LARP4: variants seen among roughly 807,000 people sequenced by gnomAD.
LARP4 encodes the protein La ribonucleoprotein 4, also known as la-related protein 4.
A neutral mutation model predicts 92.9 loss-of-function variants in LARP4; 29 were observed. That is an observed-to-expected ratio of 0.31 (90% CI 0.23 to 0.43). The LOEUF is 0.43. Ranked by LOEUF, LARP4 falls within the 20% of genes least tolerant of loss-of-function variation. LARP4 has a pLI of 1.00. For synonymous variants in LARP4, 279 were observed against 284.1 expected, an observed-to-expected ratio of 0.98 and a Z score of 0.18; for missense variants, 732 against 860.0, an observed-to-expected ratio of 0.85 and a Z score of 1.86.
At chr12:50,435,300 AT>A (rs1171380532) in intron 4 of LARP4, among the ~76,000 whole-genome samples, 187 bp from the exon 5 acceptor site, 17 of 152,248 alleles carry the variant, frequency 1.1e-4, no homozygotes, top group Admixed American at 3.3e-4. Flanking sequence ...GTTTATGTAT[AT>A]ATTACATTAG....
chr12:50,476,079 T>A lies in LARP4; in HGVS notation c.*215T>A. 2 of 249,254 alleles carry A rather than the reference T, an allele frequency of 8.0e-6. No homozygotes were observed. Among genetic ancestry groups the A allele is most frequent in the Non-Finnish European group, 1.6e-5 (2 of 127,666 alleles). The allele number at this position is 249,254 out of a possible 1,614,324, so 15.4% of individuals were successfully genotyped here. ...TGGAGGATTCCAATCAATATAAATA[T>A]ATATATATATATACACACACATATA... On this transcript the variant is annotated 3_prime_UTR_variant, in exon 16 of 16. Transcript: ENST00000398473.
intron 7 of LARP4, among the ~76,000 whole-genome samples, 179 bp downstream of exon 7, chr12:50,440,728 G>A (rs1308950723): frequency 6.6e-6 from 1 of 152,040 alleles, no homozygotes; most frequent in Non-Finnish European, 1.5e-5. Flanking sequence ...AAGTTTTTCA[G>A]TTTTGATTTA....
Position 50,461,186 on chromosome 12 carries a change from C to G in LARP4, c.1173C>G (p.Gly391=). The stretch of plus-strand genomic sequence containing the variant: ...GTGGTTCAGAACACTCAACAGAGGG[C>G]TCTGTATCCTTGGGGGATGGACAGT... The part of the protein sequence containing the change: ...SSGGSEHSTE[G]SVSLGDGQLN... The change falls in exon 11 of 16, where the codon GGC becomes GGG. Residue 391 remains glycine (G), a synonymous_variant. Coordinates refer to ENST00000398473, the MANE Select transcript of LARP4 (RefSeq NM_052879.5). 6.2e-7 allele frequency: 1 copy of G among 1,614,114 alleles called. No homozygotes were observed. The highest frequency in any genetic ancestry group is 8.5e-7 in the Non-Finnish European group (1 of 1,180,014).
At chr12:50,445,552 G>C (rs1951880568) in intron 8 of LARP4, among the ~76,000 whole-genome samples, 1 of 151,530 alleles carries the variant, frequency 6.6e-6, no homozygotes, top group African/African-American at 2.4e-5. Flanking sequence ...TTCTTTTTTT[G>C]GTACTCCAAT....
At chr12:50,434,184 T>G (rs1230531420) in intron 4 of LARP4, among the ~76,000 whole-genome samples, 1 of 151,994 alleles carries the variant, frequency 6.6e-6, no homozygotes, top group Non-Finnish European at 1.5e-5. Context: ...AATAGGGTGA[T>G]CAGAACAGTA....
At position 50,475,802 on chromosome 12, in the gene LARP4, C is replaced by A; in HGVS notation, c.2113C>A (p.Pro705Thr). Residue 705 changes from proline to threonine, a missense_variant, in exon 16 of 16, where the codon CCT (proline) becomes ACT (threonine). By Grantham distance (38) the Pro-to-Thr change is conservative. Coordinates refer to ENST00000398473, the MANE Select transcript of LARP4 (RefSeq NM_052879.5). ...QRRQFSHRAI[P>T]QGVTRRNGKE... ...ACGCCAGTTTAGCCATAGGGCTATACCTCAGGGAGTGACTCGACGTAATGG... is the reference window on the plus strand; with the variant it reads ...ACGCCAGTTTAGCCATAGGGCTATAACTCAGGGAGTGACTCGACGTAATGG... 1 of 1,614,172 alleles carries A rather than the reference C, an allele frequency of 6.2e-7. No homozygotes were observed. The highest frequency in any genetic ancestry group is 1.1e-5 in the South Asian group (1 of 91,078).
At chr12:50,467,948 C>T (rs1346295945) in intron 13 of LARP4, among the ~76,000 whole-genome samples, 2 of 151,668 alleles carry the variant, frequency 1.3e-5, no homozygotes, top group Non-Finnish European at 2.9e-5. Flanking sequence ...TAGTTTTTCT[C>T]CCAACTTTTA....
intron 4 of LARP4, among the ~76,000 whole-genome samples, chr12:50,434,695 C>T (rs1057012461): frequency 1.3e-5 from 2 of 151,808 alleles, no homozygotes; most frequent in Admixed American, 6.6e-5. Context: ...GCATGAGCCA[C>T]CGCACCCAGC....
chr12:50,429,177 C>T, intron 3 of LARP4, 87 bp downstream of exon 3: 1 of 880,504 alleles, frequency 1.1e-6, no homozygotes, highest in East Asian at 2.6e-5. Context: ...TCTGATAAAC[C>T]TATGGCATTA....
intron 5 of LARP4, among the ~76,000 whole-genome samples, chr12:50,437,062 T>C (rs190768825): frequency 3.5e-4 from 53 of 152,332 alleles, no homozygotes; most frequent in Admixed American, 1.3e-3. Flanking sequence ...TTGGCACTTA[T>C]TATACCTATG....
chr12:50,404,625 G>A (rs1172866956), intron 1 of LARP4, among the ~76,000 whole-genome samples: 1 of 151,772 alleles, frequency 6.6e-6, no homozygotes, highest in African/African-American at 2.4e-5. Flanking sequence ...TGAGACCGAG[G>A]CTAGAGGGTG....
At chr12:50,404,835 G>A (rs1944506568) in intron 1 of LARP4, among the ~76,000 whole-genome samples, 2 of 151,274 alleles carry the variant, frequency 1.3e-5, no homozygotes, top group South Asian at 2.1e-4. Context: ...GACTGTAGGC[G>A]CATGCCACCA....
At chr12:50,461,381 A>G (rs1280676468) in intron 11 of LARP4, 34 bp downstream of exon 11, 5 of 1,555,344 alleles carry the variant, frequency 3.2e-6, no homozygotes, top group East Asian at 4.5e-5. Context: ...ACCTTTGATA[A>G]TAATGTGATC....
intron 10 of LARP4, chr12:50,454,973 A>G (rs1307868183): frequency 6.6e-6 from 1 of 152,248 alleles, no homozygotes; most frequent in Non-Finnish European, 1.5e-5. Flanking sequence ...ACTTATGTCT[A>G]CTTTACAGAT....
chr12:50,438,279 G>A (rs1043273195), intron 6 of LARP4, among the ~76,000 whole-genome samples: 3 of 151,930 alleles, frequency 2.0e-5, no homozygotes, highest in South Asian at 2.1e-4. Context: ...CAGGCGGATC[G>A]TGAGGTCAGG....
intron 1 of LARP4, among the ~76,000 whole-genome samples, chr12:50,407,235 A>G (rs1945017849): frequency 6.6e-6 from 1 of 151,528 alleles, no homozygotes; most frequent in Non-Finnish European, 1.5e-5. Flanking sequence ...CATATTGGTC[A>G]GGCTGGTCTC....
intron 14 of LARP4, among the ~76,000 whole-genome samples, 180 bp from the exon 15 acceptor site, chr12:50,473,819 G>C (rs1242931264): frequency 2.2e-5 from 3 of 139,250 alleles, no homozygotes; most frequent in Non-Finnish European, 3.1e-5. Context: ...GGGGGTGGGG[G>C]GGGTGGGGGG....
intron 1 of LARP4, among the ~76,000 whole-genome samples, chr12:50,408,187 CTTTTT>C (rs71083565): frequency 2.9e-5 from 2 of 69,260 alleles, no homozygotes; most frequent in African/African-American, 1.2e-4. Flanking sequence ...GGATTTTCTG[CTTTTT>C]TTTTTTTTTT....
chr12:50,409,342 G>A (rs932212480), intron 1 of LARP4, among the ~76,000 whole-genome samples: 6 of 152,076 alleles, frequency 3.9e-5, no homozygotes, highest in African/African-American at 9.7e-5. Flanking sequence ...TATCTATCAC[G>A]TAGGGATGTT....
Sources: allele counts gnomAD v4.1 joint callset (sites outside exome capture counted in the v4.1 genomes callset), GRCh38; gene constraint gnomAD v4.1.1; transcripts MANE v1.5; gene names NCBI Gene and HGNC (gene_info 2026-07-23, HGNC 2026-07-21).